TRHR: variants seen among roughly 807,000 people sequenced by gnomAD.
TRHR encodes the protein thyrotropin-releasing hormone receptor.
Under a neutral mutation model 28.0 loss-of-function variants are expected in TRHR, and 14 were observed. The ratio of observed to expected loss-of-function variants is 0.50; its 90% CI spans 0.33 to 0.78. The LOEUF is 0.78. TRHR is among the 30% of genes least tolerant of loss of function. The pLI is 0.02. For synonymous variants in TRHR, 176 were observed against 171.9 expected (o/e 1.02, Z -0.18); for missense variants, 438 against 469.5 (o/e 0.93, Z 0.62).
chr8:109,098,453 T>C (rs746979161), intron 2 of TRHR, among the ~76,000 whole-genome samples: 34 of 152,142 alleles, frequency 2.2e-4, no homozygotes, highest in Non-Finnish European at 4.7e-4. Flanking sequence ...GCCTCTTGAT[T>C]GCCCTCCTCC....
chr8:109,117,788 T>C (rs947867063), intron 2 of TRHR, among the ~76,000 whole-genome samples: 22 of 151,980 alleles, frequency 1.4e-4, no homozygotes, highest in African/African-American at 5.1e-4. Flanking sequence ...AGTTAACCCC[T>C]TTGCTAAGTA....
At chr8:109,096,210 G>A (rs1364891556) in intron 2 of TRHR, among the ~76,000 whole-genome samples, 5 of 152,076 alleles carry the variant, frequency 3.3e-5, no homozygotes, top group Admixed American at 3.3e-4. Context: ...GTAGTTCTCT[G>A]AACATGCTGC....
At chr8:109,117,017 A>G (rs1811932537) in intron 2 of TRHR, among the ~76,000 whole-genome samples, 1 of 151,988 alleles carries the variant, frequency 6.6e-6, no homozygotes, top group Admixed American at 6.6e-5. Flanking sequence ...ACATTCCGTG[A>G]AAAGAGGCAG....
chr8:109,094,567 G>A (rs1811561525), intron 2 of TRHR, among the ~76,000 whole-genome samples: 1 of 151,880 alleles, frequency 6.6e-6, no homozygotes, highest in Non-Finnish European at 1.5e-5. Flanking sequence ...TTAAAGAATA[G>A]TTTTCTATTT....
In TRHR at chr8:109,120,359, C is replaced by T. The variant is rs1811989581; in HGVS notation, c.*904C>T. The stretch of plus-strand genomic sequence containing the variant: ...TTTGAACATTCTTGTTTATAAACTA[C>T]TCAGCCATGTCAAGCAAATCATTCA... On this transcript the variant is annotated 3_prime_UTR_variant, in exon 3 of 3. Coordinates refer to ENST00000518632, the MANE Select transcript of TRHR (RefSeq NM_003301.7). Among the ~76,000 whole-genome samples the T allele has an allele frequency of 6.6e-6, 1 of 151,808 alleles. No individual in the cohort carries two copies. Among genetic ancestry groups the T allele is most frequent in the Admixed American group, 6.6e-5 (1 of 15,178 alleles).
chr8:109,108,880 C>A (rs1261462258), intron 2 of TRHR, among the ~76,000 whole-genome samples: 1 of 152,076 alleles, frequency 6.6e-6, no homozygotes, highest in East Asian at 1.9e-4. Flanking sequence ...AGGAGAAAGG[C>A]CAACCTCTCA....
In TRHR at chr8:109,087,792, G is replaced by A. The variant is rs202008796; in HGVS notation, c.280G>A (p.Gly94Ser). The A allele has an allele frequency of 7.4e-6, 12 of 1,614,146 alleles. No homozygotes were observed. Among genetic ancestry groups the A allele is most frequent in the African/African-American group, 1.3e-5 (1 of 75,034 alleles). Residue 94 changes from glycine to serine, a missense_variant, in exon 2 of 3, where the codon GGC becomes AGC. By Grantham distance (56) the Gly-to-Ser change is moderately conservative. Transcript: ENST00000518632. ...TDSIYGSWVY[G>S]YVGCLCITYL... ...CAGTATCTACGGTTCCTGGGTCTATGGCTATGTTGGATGCCTCTGCATTAC... is the reference window on the plus strand; with the variant it reads ...CAGTATCTACGGTTCCTGGGTCTATAGCTATGTTGGATGCCTCTGCATTAC...
At chr8:109,101,833 T>C (rs548606926) in intron 2 of TRHR, among the ~76,000 whole-genome samples, 82 of 152,156 alleles carry the variant, frequency 5.4e-4, no homozygotes, top group Non-Finnish European at 1.1e-3. Context: ...GACACCAGAG[T>C]AGATGTGATC....
intron 2 of TRHR, among the ~76,000 whole-genome samples, chr8:109,108,680 CA>C (rs1423147620): frequency 1.3e-5 from 2 of 152,190 alleles, no homozygotes; most frequent in African/African-American, 4.8e-5. Flanking sequence ...GGCTAAATAG[CA>C]AACTCAGCCC....
At chr8:109,113,954 A>T (rs1811877403) in intron 2 of TRHR, among the ~76,000 whole-genome samples, 2 of 152,032 alleles carry the variant, frequency 1.3e-5, no homozygotes, top group African/African-American at 4.8e-5. Context: ...AGGAAGTATA[A>T]TCTTAATTTT....
intron 2 of TRHR, among the ~76,000 whole-genome samples, chr8:109,090,603 C>A (rs1023026421): frequency 2.0e-5 from 3 of 152,020 alleles, no homozygotes; most frequent in Admixed American, 2.0e-4. Flanking sequence ...TGTAATTCAA[C>A]CCTGATTATA....
intron 2 of TRHR, among the ~76,000 whole-genome samples, chr8:109,108,704 C>T (rs999558395): frequency 2.0e-5 from 3 of 152,136 alleles, no homozygotes; most frequent in South Asian, 2.1e-4. Context: ...GGCAGATCAA[C>T]GGTAGCATTT....
intron 2 of TRHR, among the ~76,000 whole-genome samples, chr8:109,118,663 G>A (rs1811955209): frequency 6.6e-6 from 1 of 151,804 alleles, no homozygotes; most frequent in Admixed American, 6.6e-5. Context: ...AAGGCCCTAG[G>A]AGTTTTCAGG....
intron 2 of TRHR, among the ~76,000 whole-genome samples, chr8:109,116,270 T>G (rs1811920374): frequency 6.6e-6 from 1 of 152,054 alleles, no homozygotes; most frequent in Non-Finnish European, 1.5e-5. Context: ...TCTCTTTTTT[T>G]GTTGTGTCTC....
chr8:109,094,650 T>A (rs973156898), intron 2 of TRHR, among the ~76,000 whole-genome samples: 2 of 151,954 alleles, frequency 1.3e-5, no homozygotes, highest in African/African-American at 4.8e-5. Context: ...CCTAAAGTTG[T>A]GTGTTTTGTG....
At chr8:109,108,772 T>C (rs2129918355) in intron 2 of TRHR, among the ~76,000 whole-genome samples, 1 of 152,314 alleles carries the variant, frequency 6.6e-6, no homozygotes, top group Admixed American at 6.5e-5. Context: ...AATTTAGATG[T>C]TACTGTAATT....
chr8:109,112,452 G>A (rs1045504841), intron 2 of TRHR, among the ~76,000 whole-genome samples: 5 of 152,152 alleles, frequency 3.3e-5, no homozygotes, highest in African/African-American at 1.2e-4. Flanking sequence ...TAACTGGGCT[G>A]TGGCCCAAGA....
intron 2 of TRHR, among the ~76,000 whole-genome samples, chr8:109,109,929 A>C (rs1156497749): frequency 2.0e-5 from 3 of 152,164 alleles, no homozygotes; most frequent in African/African-American, 7.2e-5. Flanking sequence ...GGTGATGCTA[A>C]GTTATTTTCC....
At chr8:109,105,726 G>A (rs972251914) in intron 2 of TRHR, among the ~76,000 whole-genome samples, 6 of 152,132 alleles carry the variant, frequency 3.9e-5, no homozygotes, top group African/African-American at 1.2e-4. Context: ...TTCAGAGCAT[G>A]TTGTTGTATT....
Sources: gnomAD v4.1 joint callset for allele counts (sites outside exome capture counted in the v4.1 genomes callset) on GRCh38, gnomAD v4.1.1 for gene constraint, MANE v1.5 for transcripts, NCBI Gene and HGNC (gene_info 2026-07-23, HGNC 2026-07-21) for gene names.